Variants in VTI1A observed in about 807,000 individuals in gnomAD.
The protein encoded by VTI1A is vesicle transport through interaction with t-SNAREs 1A, also known as vesicle transport through interaction with t-SNAREs homolog 1A.
In VTI1A, 22 loss-of-function variants were observed where a neutral mutation model predicts 34.9. That is an observed-to-expected ratio of 0.63 (90% CI 0.45 to 0.90). VTI1A has a LOEUF of 0.90. VTI1A is among the 40% of genes least tolerant of loss of function. The pLI is 0.00. For synonymous variants in VTI1A, 87 were observed against 97.3 expected, an observed-to-expected ratio of 0.89 and a Z score of 0.62; for missense variants, 268 against 275.6, an observed-to-expected ratio of 0.97 and a Z score of 0.20.
intron 7 of VTI1A, among the ~76,000 whole-genome samples, chr10:112,745,814 A>G (rs1480607995): frequency 6.6e-6 from 1 of 152,202 alleles, no homozygotes; most frequent in Non-Finnish European, 1.5e-5. Context: ...GAGCCCAAAC[A>G]AGTGAAGGAC....
intron 5 of VTI1A, among the ~76,000 whole-genome samples, chr10:112,584,312 T>G (rs1488802360): frequency 6.6e-6 from 1 of 152,204 alleles, no homozygotes; most frequent in Non-Finnish European, 1.5e-5. Flanking sequence ...CAGTCAGAAT[T>G]TATGGTACAT....
At chr10:112,711,756 A>G (rs954504136) in intron 7 of VTI1A, among the ~76,000 whole-genome samples, 1 of 152,230 alleles carries the variant, frequency 6.6e-6, no homozygotes, top group African/African-American at 2.4e-5. Flanking sequence ...TAGCGTACCA[A>G]CTGTGTCCTC....
At chr10:112,534,008 C>T (rs1261313271) in intron 4 of VTI1A, among the ~76,000 whole-genome samples, 2 of 152,016 alleles carry the variant, frequency 1.3e-5, no homozygotes, top group African/African-American at 4.8e-5. Flanking sequence ...ACATAAGACA[C>T]CATGGATGTA....
chr10:112,498,978 G>A (rs966160169), intron 3 of VTI1A, among the ~76,000 whole-genome samples: 1 of 152,068 alleles, frequency 6.6e-6, no homozygotes, highest in Non-Finnish European at 1.5e-5. Context: ...GGGAGGGTTG[G>A]TACCATCAAT....
chr10:112,825,812 ATCC>A, the VTI1A span: 1 of 152,254 alleles, frequency 6.6e-6, no homozygotes, highest in Non-Finnish European at 1.5e-5. Flanking sequence ...AGGTCAAGGT[ATCC>A]TCCTGAGAGA....
At chr10:112,642,988 T>TC (rs1250330010) in intron 5 of VTI1A, among the ~76,000 whole-genome samples, 1 of 146,536 alleles carries the variant, frequency 6.8e-6, no homozygotes, top group Non-Finnish European at 1.5e-5. Context: ...TTTTTTTTTT[T>TC]TTTTTTGTTT....
At chr10:112,653,994 T>G (rs1238917457) in intron 5 of VTI1A, among the ~76,000 whole-genome samples, 1 of 152,244 alleles carries the variant, frequency 6.6e-6, no homozygotes, top group African/African-American at 2.4e-5. Context: ...GCCTGGCTGA[T>G]GAAGTCTAAT....
intron 3 of VTI1A, among the ~76,000 whole-genome samples, chr10:112,497,774 C>T (rs1849079500): frequency 6.6e-6 from 1 of 152,170 alleles, no homozygotes. Flanking sequence ...TACTGATTCA[C>T]CTTACTTTAC....
chr10:112,514,669 A>G (rs959272694), intron 3 of VTI1A, among the ~76,000 whole-genome samples: 1 of 151,942 alleles, frequency 6.6e-6, no homozygotes, highest in African/African-American at 2.4e-5. Context: ...CTTTTGCTGC[A>G]TCCCATAAGT....
chr10:112,616,271 G>A (rs947843455), intron 5 of VTI1A, among the ~76,000 whole-genome samples: 1 of 152,092 alleles, frequency 6.6e-6, no homozygotes, highest in Non-Finnish European at 1.5e-5. Flanking sequence ...AAATGCAGGA[G>A]TACATGCACA....
At chr10:112,734,557 C>T (rs1850386827) in intron 7 of VTI1A, among the ~76,000 whole-genome samples, 1 of 151,968 alleles carries the variant, frequency 6.6e-6, no homozygotes, top group African/African-American at 2.4e-5. Flanking sequence ...AATTTCTGTC[C>T]TTTTCCAATT....
chr10:112,519,817 G>A (rs994762694), intron 3 of VTI1A, among the ~76,000 whole-genome samples: 2 of 151,960 alleles, frequency 1.3e-5, no homozygotes, highest in African/African-American at 4.8e-5. Context: ...GGTCAGTTAC[G>A]GAGAATCCTC....
At chr10:112,821,179 T>A (rs1425623024), downstream of VTI1A, among the ~76,000 whole-genome samples, 1 of 152,188 alleles carries the variant, frequency 6.6e-6, no homozygotes, top group East Asian at 1.9e-4. Context: ...CACCCCCTCC[T>A]TCCCTTCATC....
chr10:112,560,876 C>T (rs1434068579), intron 5 of VTI1A, among the ~76,000 whole-genome samples: 2 of 152,024 alleles, frequency 1.3e-5, no homozygotes, highest in East Asian at 1.9e-4. Flanking sequence ...GGATTACAGG[C>T]GTGAGCCACC....
chr10:112,796,883 C>G (rs1332385205), intron 7 of VTI1A, among the ~76,000 whole-genome samples: 1 of 152,160 alleles, frequency 6.6e-6, no homozygotes, highest in East Asian at 1.9e-4. Context: ...ACCAGTTGGG[C>G]AAAATTGATT....
intron 5 of VTI1A, among the ~76,000 whole-genome samples, chr10:112,570,358 G>A (rs1852073110): frequency 1.3e-5 from 2 of 151,002 alleles, no homozygotes; most frequent in Admixed American, 1.3e-4. Flanking sequence ...ACTTCTTATG[G>A]GGAAAAAAAA....
intron 5 of VTI1A, among the ~76,000 whole-genome samples, chr10:112,541,228 A>G (rs1025521779): frequency 1.3e-5 from 2 of 152,156 alleles, no homozygotes; most frequent in Admixed American, 1.3e-4. Context: ...TAGGAACTAT[A>G]GCCTGATATA....
rs777335277 is a variant in VTI1A, at chr10:112,668,281, G to C, written c.491G>C (p.Arg164Pro). ...SHDREKIQRA[R>P]ERLRETDANL... is the part of the protein sequence containing the mutation. ...GACAGAGAAAAGATACAGCGAGCAC[G>C]TGAAAGAGTAAGTACAATTGATACA... Residue 164 changes from arginine to proline, a missense_variant, in exon 6 of 8, where the codon CGT becomes CCT. Coordinates refer to ENST00000393077, the MANE Select transcript of VTI1A (RefSeq NM_145206.4). 2 of 1,612,236 alleles carry C rather than the reference G, an allele frequency of 1.2e-6. No homozygotes were observed. The highest frequency in any genetic ancestry group is 2.2e-5 in the South Asian group (2 of 90,940).
At chr10:112,853,091 TCTTTCAAAGTGCCATGTTCTC>T in the VTI1A span, among the ~76,000 whole-genome samples, 4 of 152,184 alleles carry the variant, frequency 2.6e-5, no homozygotes, top group African/African-American at 9.7e-5. Context: ...GCCAGGGCTG[TCTTTCAAAGTGCCATGTTCTC>T]CTTGTCCAAG....
Sources: gnomAD v4.1 joint callset for allele counts (sites outside exome capture counted in the v4.1 genomes callset) on GRCh38, gnomAD v4.1.1 for gene constraint, MANE v1.5 for transcripts, NCBI Gene and HGNC (gene_info 2026-07-23, HGNC 2026-07-21) for gene names.